Variants in GPR157 observed in about 807,000 individuals in gnomAD.
The protein encoded by GPR157 is G protein-coupled receptor 157, also known as G-protein coupled receptor 157.
Under a neutral mutation model 23.5 loss-of-function variants are expected in GPR157, and 16 were observed. That is an observed-to-expected ratio of 0.68 (90% CI 0.46 to 1.04). GPR157 has a LOEUF of 1.04. GPR157 is among the 50% of genes least tolerant of loss of function. The pLI is 0.00. For missense variants in GPR157, 440 were observed against 460.7 expected, an observed-to-expected ratio of 0.96 and a Z score of 0.41; for synonymous variants, 200 against 221.5, an observed-to-expected ratio of 0.90 and a Z score of 0.86.
rs1407635796 is a variant in GPR157, at chr1:9,120,632, C to G, written c.383+8013G>C. On this transcript the variant is annotated intron_variant, in intron 1 of 3. Coordinates refer to ENST00000377411, the MANE Select transcript of GPR157 (RefSeq NM_024980.5). The surrounding 1 kb of genome is among the most constrained non-coding windows in gnomAD (Gnocchi z 4.1). ...AGTCAGCCCCTAGGCCAGGCTACCACGAGGTCACTCTGCAGCTTTAACTGC... is the reference window on the plus strand; with the variant it reads ...AGTCAGCCCCTAGGCCAGGCTACCAGGAGGTCACTCTGCAGCTTTAACTGC... Among the ~76,000 whole-genome samples, 1 of 152,118 alleles carries G rather than the reference C, an allele frequency of 6.6e-6. No homozygotes were observed. The highest frequency in any genetic ancestry group is 1.9e-4 in the East Asian group (1 of 5,192).
Position 9,111,435 on chromosome 1 carries a change from G to C in GPR157, c.438C>G (p.Gly146=). 6.2e-7 allele frequency: 1 copy of C among 1,614,138 alleles called. No homozygotes were observed. The highest frequency in any genetic ancestry group is 1.1e-5 in the South Asian group (1 of 91,082). The change falls in exon 2 of 4, where the codon GGC becomes GGG. Residue 146 remains glycine (G), a synonymous_variant. Transcript: ENST00000377411. ...CCACAGACACGTCCGAGGCGTCATA[G>C]CCAATCTTCTTCAGGGCGACGGCTG... The part of the protein sequence containing the change: ...TVAAVALKKI[G]YDASDVSVGW...
intron 1 of GPR157, among the ~76,000 whole-genome samples, chr1:9,122,654 T>C (rs1321468857): frequency 6.6e-6 from 1 of 152,038 alleles, no homozygotes; most frequent in Non-Finnish European, 1.5e-5. Flanking sequence ...CTGAACCCAC[T>C]TATGAGGAAG....
chr1:9,116,674 G>C (rs1009009152), intron 1 of GPR157, among the ~76,000 whole-genome samples: 1 of 150,498 alleles, frequency 6.6e-6, no homozygotes, highest in African/African-American at 2.4e-5. Flanking sequence ...TGATTGAACC[G>C]GGGAGGTGGC....
At position 9,118,860 on chromosome 1, in the gene GPR157, C is replaced by T. The variant is rs1163839634; in HGVS notation, c.384-7371G>A. 1.3e-5 allele frequency among the ~76,000 whole-genome samples: 2 copies of T among 151,924 alleles called. No individual in the cohort carries two copies. The highest frequency in any genetic ancestry group is 4.8e-5 in the African/African-American group (2 of 41,334). On this transcript the variant is annotated intron_variant, in intron 1 of 3. Transcript: ENST00000377411. The surrounding 1 kb of genome is among the most constrained non-coding windows in gnomAD (Gnocchi z 4.6). ...ACCAGCCTGGGCAACAAAGTGAGACCCTGTCTCTACAAAAAAATACATAAA... is the reference window on the plus strand; with the variant it reads ...ACCAGCCTGGGCAACAAAGTGAGACTCTGTCTCTACAAAAAAATACATAAA...
At chr1:9,110,955 T>C (rs1638474611) in intron 2 of GPR157, among the ~76,000 whole-genome samples, 1 of 152,196 alleles carries the variant, frequency 6.6e-6, no homozygotes, top group South Asian at 2.1e-4. Flanking sequence ...GAGAGGGCCA[T>C]GACCAAGGAC....
At chr1:9,112,082 T>G (rs1484425619) in intron 1 of GPR157, among the ~76,000 whole-genome samples, 4 of 152,208 alleles carry the variant, frequency 2.6e-5, no homozygotes, top group Admixed American at 6.5e-5. Context: ...CTGTCCCAGG[T>G]TTCAGGCCTG....
At chr1:9,124,266 G>A (rs1379903157) in intron 1 of GPR157, among the ~76,000 whole-genome samples, 1 of 152,164 alleles carries the variant, frequency 6.6e-6, no homozygotes, top group African/African-American at 2.4e-5. Context: ...TTACTGAAGG[G>A]AGACTCCCTG....
At chr1:9,106,287 C>T (rs1276927455) in intron 2 of GPR157, among the ~76,000 whole-genome samples, 1 of 152,184 alleles carries the variant, frequency 6.6e-6, no homozygotes, top group Non-Finnish European at 1.5e-5. Flanking sequence ...CACCACGTCT[C>T]TGGATGGGCT....
chr1:9,121,427 C>T (rs1163675494), intron 1 of GPR157, among the ~76,000 whole-genome samples: 1 of 151,894 alleles, frequency 6.6e-6, no homozygotes, highest in East Asian at 1.9e-4. Context: ...CATTTGAGGT[C>T]AGGAGTTTGA....
intron 1 of GPR157, among the ~76,000 whole-genome samples, chr1:9,122,955 G>C (rs1435698716): frequency 1.3e-5 from 2 of 151,690 alleles, no homozygotes; most frequent in African/African-American, 2.4e-5. Context: ...TCAGGAGTTT[G>C]AGATCAGCCT....
intron 1 of GPR157, among the ~76,000 whole-genome samples, chr1:9,112,937 G>C (rs1414499385): frequency 6.6e-6 from 1 of 152,198 alleles, no homozygotes; most frequent in East Asian, 1.9e-4. Context: ...AGTGGGCTTG[G>C]ATTTTAGTGC....
intron 1 of GPR157, among the ~76,000 whole-genome samples, chr1:9,123,319 A>ATTT (rs1191175197): frequency 0.042 from 1,061 of 25,328 alleles, 93 homozygotes; most frequent in African/African-American, 0.14. Flanking sequence ...ATATATATTA[A>ATTT]AATATATATA....
intron 2 of GPR157, among the ~76,000 whole-genome samples, chr1:9,108,881 G>A (rs1479331705): frequency 6.6e-6 from 1 of 152,024 alleles, no homozygotes; most frequent in Non-Finnish European, 1.5e-5. Flanking sequence ...CGCCTCCCGG[G>A]TTCACACCAT....
intron 2 of GPR157, among the ~76,000 whole-genome samples, chr1:9,106,285 C>T (rs6693258): frequency 0.17 from 26,043 of 152,132 alleles, 2,828 homozygotes; most frequent in Admixed American, 0.25. Context: ...GTCACCACGT[C>T]TCTGGATGGG....
intron 1 of GPR157, among the ~76,000 whole-genome samples, chr1:9,111,767 C>T (rs1230843682): frequency 2.0e-5 from 3 of 152,132 alleles, no homozygotes; most frequent in Admixed American, 6.6e-5. Flanking sequence ...GTACAGAGTT[C>T]GAGACCAGGC....
In GPR157 at chr1:9,105,150, C is replaced by T. The variant is rs944207528; in HGVS notation, c.792+336G>A. 2.0e-5 allele frequency among the ~76,000 whole-genome samples: 3 copies of T among 152,138 alleles called. No homozygotes were observed. The highest frequency in any genetic ancestry group is 1.9e-4 in the East Asian group (1 of 5,192). On this transcript the variant is annotated intron_variant, in intron 3 of 3. Transcript: ENST00000377411. This position sits in a 1 kb window ranked among gnomAD's most constrained non-coding sequence, Gnocchi z 4.8. ...CCCCAGAACCTCCCCCCATCCTCCC[C>T]GCCATGGCTGATCTGGGATGACCTT...
rs1215395128 is a variant in GPR157, at chr1:9,104,062, G to T, written c.*357C>A. ...TCACACAGAGGATAGGTGCACAGAT[G>T]TGGGTCCCTCAGATTGTAAACAGTG... On this transcript the variant is annotated 3_prime_UTR_variant, in exon 4 of 4. Coordinates refer to ENST00000377411, the MANE Select transcript of GPR157 (RefSeq NM_024980.5). The T allele has an allele frequency of 4.2e-6, 1 of 239,280 alleles. No homozygotes were observed. The highest frequency in any genetic ancestry group is 8.8e-5 in the East Asian group (1 of 11,374). The allele number at this position is 239,280 out of a possible 1,614,324, so 14.8% of individuals were successfully genotyped here. A position where few individuals can be genotyped will look rare whatever the true frequency, so the allele number is the denominator to read the frequency against.
chr1:9,128,256 C>A lies in GPR157; in HGVS notation c.383+389G>T, dbSNP rs1273371442. 2.0e-6 allele frequency: 1 copy of A among 497,170 alleles called. No individual in the cohort carries two copies. 30.8% of individuals were successfully genotyped at this position (497,170 alleles called of 1,614,324 possible). A position where few individuals can be genotyped will look rare whatever the true frequency, so the allele number is the denominator to read the frequency against. ...ACTGGCAGTTGCCGGCTCTCCAGCC[C>A]GGGACAGTTACCTAACTCGTCTCCC... On this transcript the variant is annotated intron_variant, in intron 1 of 3. Transcript: ENST00000377411. This position sits in a 1 kb window ranked among gnomAD's most constrained non-coding sequence, Gnocchi z 6.3.
In GPR157 at chr1:9,116,308, AT is replaced by A. The variant is rs70985589; in HGVS notation, c.384-4820del. 1.3e-3 allele frequency among the ~76,000 whole-genome samples: 9 copies of A among 6,674 alleles called. 2 individuals are homozygous for A. The highest frequency in any genetic ancestry group is 6.6e-3 in the African/African-American group (3 of 454). The allele number at this position is 6,674 out of a possible 152,430, so 4.4% of individuals were successfully genotyped here. The stretch of plus-strand genomic sequence containing the variant: ...ATTATATATAAATTATATATATTAT[AT>A]TATATATAATATATATAAATTATAT... On this transcript the variant is annotated intron_variant, in intron 1 of 3. Transcript: ENST00000377411.
Sources: allele counts gnomAD v4.1 joint callset (sites outside exome capture counted in the v4.1 genomes callset), GRCh38; gene constraint gnomAD v4.1.1; non-coding constraint Gnocchi (gnomAD v3.1); transcripts MANE v1.5; gene names NCBI Gene and HGNC (gene_info 2026-07-23, HGNC 2026-07-21).